Variants in PCDH9 observed in about 807,000 individuals in gnomAD.
The protein encoded by PCDH9 is protocadherin-9.
PCDH9 carries 24 observed loss-of-function variants against 70.6 expected under a neutral mutation model. The ratio of observed to expected loss-of-function variants is 0.34; its 90% CI spans 0.25 to 0.48. The LOEUF (loss-of-function observed/expected upper bound fraction) is 0.48. Among genes scored for constraint, PCDH9 ranks in the 20% least tolerant of loss-of-function variants. The pLI is 0.99. For missense variants in PCDH9, 1,281 were observed against 1,503.6 expected (o/e 0.85, Z 2.45); for synonymous variants, 562 against 558.5 (o/e 1.01, Z -0.09).
intron 3 of PCDH9, among the ~76,000 whole-genome samples, chr13:66,763,897 C>T (rs1467140224): frequency 1.3e-5 from 2 of 151,964 alleles, no homozygotes; most frequent in African/African-American, 4.8e-5. Flanking sequence ...CTCCTGGATT[C>T]AAGCAATTCT....
At chr13:66,562,591 G>T (rs1205327960) in intron 4 of PCDH9, among the ~76,000 whole-genome samples, 5 of 152,136 alleles carry the variant, frequency 3.3e-5, no homozygotes, top group Admixed American at 2.0e-4. Context: ...ATCAGATCTT[G>T]TGGGACATAT....
intron 4 of PCDH9, among the ~76,000 whole-genome samples, chr13:66,495,500 A>G (rs1038503048): frequency 2.0e-5 from 3 of 152,292 alleles, no homozygotes; most frequent in African/African-American, 7.2e-5. Flanking sequence ...GTCAAGGTGG[A>G]CACTGAGATG....
chr13:66,548,931 T>C (rs181017439), intron 4 of PCDH9, among the ~76,000 whole-genome samples: 2 of 152,190 alleles, frequency 1.3e-5, no homozygotes, highest in Admixed American at 1.3e-4. Context: ...CAGAAGCTTA[T>C]TTCTGATTTT....
At chr13:66,937,157 G>A (rs2082929562) in intron 2 of PCDH9, among the ~76,000 whole-genome samples, 2 of 152,246 alleles carry the variant, frequency 1.3e-5, no homozygotes, top group Non-Finnish European at 2.9e-5. Context: ...TGTATACAAT[G>A]TGCCATACAT....
Position 66,580,939 on chromosome 13 carries a change from C to T in PCDH9, c.3340+50271G>A, listed in dbSNP as rs374236447. ...AGGTGGGTGTCTTCTTAATGCTGAA[C>T]ATGGCGTTATTTCTAGCCACGGTGG... On this transcript the variant is annotated intron_variant, in intron 4 of 4. Coordinates refer to ENST00000377865, the MANE Select transcript of PCDH9 (RefSeq NM_203487.3). Among the ~76,000 whole-genome samples, 77 of 152,102 alleles carry T rather than the reference C, an allele frequency of 5.1e-4. 1 individual carries two copies. The highest frequency in any genetic ancestry group is 1.8e-3 in the African/African-American group (74 of 41,438).
intron 2 of PCDH9, among the ~76,000 whole-genome samples, chr13:67,136,930 G>A (rs775935271): frequency 5.3e-5 from 8 of 151,844 alleles, no homozygotes; most frequent in Non-Finnish European, 1.0e-4. Context: ...TTTACACAAC[G>A]TGTTTATGAA....
intron 3 of PCDH9, among the ~76,000 whole-genome samples, chr13:66,817,010 AC>A (rs1283824407): frequency 7.9e-5 from 12 of 151,596 alleles, no homozygotes; most frequent in South Asian, 2.1e-4. Flanking sequence ...AAAAAAAAAA[AC>A]ACCATTAAAA....
At chr13:66,354,438 A>G (rs769095407) in intron 4 of PCDH9, among the ~76,000 whole-genome samples, 14 of 152,168 alleles carry the variant, frequency 9.2e-5, no homozygotes, top group Admixed American at 5.2e-4. Flanking sequence ...GAGAAAAATT[A>G]TTGGCCCCAA....
chr13:66,691,235 A>G (rs1428316656), intron 3 of PCDH9, among the ~76,000 whole-genome samples: 2 of 151,980 alleles, frequency 1.3e-5, no homozygotes, highest in African/African-American at 4.8e-5. Flanking sequence ...ATGGTGTTTC[A>G]CCATGTTGGT....
chr13:66,695,093 C>T (rs542522896), intron 3 of PCDH9, among the ~76,000 whole-genome samples: 1 of 151,762 alleles, frequency 6.6e-6, no homozygotes, highest in South Asian at 2.1e-4. Context: ...TTAGTAAAGA[C>T]GGGGTTTCAC....
At chr13:66,868,455 C>A (rs1476316217) in intron 3 of PCDH9, among the ~76,000 whole-genome samples, 3 of 151,876 alleles carry the variant, frequency 2.0e-5, no homozygotes, top group Non-Finnish European at 4.4e-5. Flanking sequence ...TACATTTACA[C>A]AAATTTACCA....
chr13:66,700,420 G>A (rs140240369), intron 3 of PCDH9, among the ~76,000 whole-genome samples: 2 of 152,190 alleles, frequency 1.3e-5, no homozygotes, highest in East Asian at 1.9e-4. Flanking sequence ...AATATGAGCC[G>A]TTGATAAAAC....
At chr13:66,919,519 T>A (rs1369680010) in intron 2 of PCDH9, among the ~76,000 whole-genome samples, 1 of 151,274 alleles carries the variant, frequency 6.6e-6, no homozygotes, top group African/African-American at 2.4e-5. Context: ...ATAAGCTCAG[T>A]ATTTTCAATT....
intron 3 of PCDH9, among the ~76,000 whole-genome samples, chr13:66,806,319 C>A (rs1047458580): frequency 6.6e-6 from 1 of 151,866 alleles, no homozygotes; most frequent in Admixed American, 6.6e-5. Flanking sequence ...CAGAATAGCC[C>A]CAGGTGGTAT....
At chr13:66,422,844 TA>T (rs1345294936) in intron 4 of PCDH9, among the ~76,000 whole-genome samples, 2 of 151,916 alleles carry the variant, frequency 1.3e-5, no homozygotes, top group Non-Finnish European at 2.9e-5. Context: ...GAAAAACCCT[TA>T]AAAAAATATC....
At chr13:66,384,905 G>A (rs1224991836) in intron 4 of PCDH9, among the ~76,000 whole-genome samples, 2 of 152,116 alleles carry the variant, frequency 1.3e-5, no homozygotes, top group Non-Finnish European at 1.5e-5. Context: ...CTGACCTCAA[G>A]TGATCCGCCT....
intron 4 of PCDH9, among the ~76,000 whole-genome samples, chr13:66,460,347 C>A (rs1346323315): frequency 6.6e-6 from 1 of 151,830 alleles, no homozygotes; most frequent in Non-Finnish European, 1.5e-5. Context: ...CCAGAAGTAA[C>A]TTTAACAAGA....
intron 4 of PCDH9, among the ~76,000 whole-genome samples, chr13:66,318,647 A>G (rs950057332): frequency 1.2e-4 from 18 of 152,186 alleles, no homozygotes; most frequent in Non-Finnish European, 1.5e-5. Flanking sequence ...GCAGAGGGAG[A>G]AATTGCCATG....
At chr13:66,355,181 T>A (rs1956360891) in intron 4 of PCDH9, among the ~76,000 whole-genome samples, 1 of 152,138 alleles carries the variant, frequency 6.6e-6, no homozygotes, top group Non-Finnish European at 1.5e-5. Context: ...ATACTGTTTT[T>A]TTTTTAATCC....
Sources: allele counts gnomAD v4.1 joint callset (sites outside exome capture counted in the v4.1 genomes callset), GRCh38; gene constraint gnomAD v4.1.1; transcripts MANE v1.5; gene names NCBI Gene and HGNC (gene_info 2026-07-23, HGNC 2026-07-21).